The following PTPRN2 variants were observed in gnomAD, a reference collection of about 807,000 sequenced individuals.
PTPRN2 encodes protein tyrosine phosphatase receptor type N2, also known as receptor-type tyrosine-protein phosphatase N2.
Under a neutral mutation model 118.8 loss-of-function variants are expected in PTPRN2, and 74 were observed. The ratio of observed to expected loss-of-function variants is 0.62; its 90% CI spans 0.52 to 0.76. The LOEUF (loss-of-function observed/expected upper bound fraction) is 0.76. Ranked by LOEUF, PTPRN2 falls within the 30% of genes least tolerant of loss-of-function variation. PTPRN2 has a pLI of 0.00. For synonymous variants in PTPRN2, 641 were observed against 608.0 expected, an observed-to-expected ratio of 1.05 and a Z score of -0.80; for missense variants, 1,481 against 1,394.4, an observed-to-expected ratio of 1.06 and a Z score of -0.99.
chr7:158,222,491 C>G (rs550828946), intron 3 of PTPRN2, among the ~76,000 whole-genome samples: 1 of 152,166 alleles, frequency 6.6e-6, no homozygotes, highest in Non-Finnish European at 1.5e-5. Context: ...CCAAATACTG[C>G]GTGTTCTCAC....
At chr7:157,989,306 C>G (rs1347435402) in intron 11 of PTPRN2, among the ~76,000 whole-genome samples, 1 of 152,188 alleles carries the variant, frequency 6.6e-6, no homozygotes, top group Non-Finnish European at 1.5e-5. Flanking sequence ...GCAGTCCCAG[C>G]TACTCGAGAG....
chr7:158,434,075 T>C (rs1400618372), intron 2 of PTPRN2, among the ~76,000 whole-genome samples: 2 of 152,196 alleles, frequency 1.3e-5, no homozygotes, highest in African/African-American at 4.8e-5. Flanking sequence ...TTTAGCAATA[T>C]GTTAAGATTT....
rs1410438144 is a variant in PTPRN2 at position 157,622,710 on chromosome 7, G to T, written c.2197-1201C>A. Among the ~76,000 whole-genome samples, 2 of 152,222 alleles carry T rather than the reference G, an allele frequency of 1.3e-5. No homozygotes were observed. Among genetic ancestry groups the T allele is most frequent in the Non-Finnish European group, 2.9e-5 (2 of 68,038 alleles). On this transcript the variant is annotated intron_variant, in intron 14 of 22. Coordinates refer to ENST00000389418, the MANE Select transcript of PTPRN2 (RefSeq NM_002847.5). The surrounding 1 kb of genome is among the most constrained non-coding windows in gnomAD (Gnocchi z 5.3). ...GCGCGACACCCCCGCATCTGGGTGG[G>T]TGTGGTGGTGAGGGACAATCGCCTG...
At chr7:158,467,798 G>C (rs1417005607) in intron 2 of PTPRN2, among the ~76,000 whole-genome samples, 1 of 152,092 alleles carries the variant, frequency 6.6e-6, no homozygotes, top group Non-Finnish European at 1.5e-5. Context: ...TTTACATGGC[G>C]TGTGTTTAAG....
chr7:157,655,794 C>G (rs558221828), intron 14 of PTPRN2, among the ~76,000 whole-genome samples: 1 of 152,270 alleles, frequency 6.6e-6, no homozygotes, highest in East Asian at 2.0e-4. Flanking sequence ...TGGCAATGCA[C>G]GGCCACACAC....
chr7:158,102,919 G>A (rs1184058917), intron 10 of PTPRN2, among the ~76,000 whole-genome samples: 1 of 152,196 alleles, frequency 6.6e-6, no homozygotes, highest in Non-Finnish European at 1.5e-5. Context: ...CCCCAGGACA[G>A]TACCTCATGC....
At position 157,794,206 on chromosome 7, in the gene PTPRN2, G is replaced by A. The variant is rs1804713841; in HGVS notation, c.1788+104467C>T. Among the ~76,000 whole-genome samples the A allele has an allele frequency of 1.6e-5, 2 of 127,222 alleles. No individual in the cohort carries two copies. The highest frequency in any genetic ancestry group is 8.0e-5 in the Admixed American group (1 of 12,492). The allele number at this position is 127,222 out of a possible 152,430, so 83.5% of individuals were successfully genotyped here. On this transcript the variant is annotated intron_variant, in intron 12 of 22. Coordinates refer to ENST00000389418, the MANE Select transcript of PTPRN2 (RefSeq NM_002847.5). This position sits in a 1 kb window ranked among gnomAD's most constrained non-coding sequence, Gnocchi z 5.2. ...TGCCCTGACCCGGGATCACACCTCC[G>A]ACCCGGGCTCACACCTCCCCTCGTT... is the stretch of plus-strand genomic sequence containing the variant.
intron 6 of PTPRN2, among the ~76,000 whole-genome samples, chr7:158,153,253 C>T (rs970146659): frequency 1.3e-5 from 2 of 152,220 alleles, no homozygotes; most frequent in Admixed American, 6.5e-5. Flanking sequence ...TCAAAACAAC[C>T]TTGCACTTAC....
chr7:158,462,042 C>T (rs1055224501), intron 2 of PTPRN2, among the ~76,000 whole-genome samples: 14 of 151,692 alleles, frequency 9.2e-5, no homozygotes, highest in African/African-American at 3.4e-4. Flanking sequence ...CGTACTTCTC[C>T]TTCCATGCTT....
At chr7:157,705,229 C>G (rs2150873391) in intron 12 of PTPRN2, among the ~76,000 whole-genome samples, 1 of 152,316 alleles carries the variant, frequency 6.6e-6, no homozygotes, top group East Asian at 1.9e-4. Flanking sequence ...TTGCTTGAAC[C>G]CAGGAGGTGG....
chr7:158,110,461 G>C (rs1454529789), intron 10 of PTPRN2, among the ~76,000 whole-genome samples: 1 of 152,194 alleles, frequency 6.6e-6, no homozygotes, highest in Non-Finnish European at 1.5e-5. Context: ...CAGGGACAGG[G>C]CCGTGTCCAC....
intron 19 of PTPRN2, 30 bp from the exon 20 acceptor site, chr7:157,571,523 G>A (rs376719122): frequency 1.3e-4 from 205 of 1,542,710 alleles, no homozygotes; most frequent in Middle Eastern, 1.2e-3. Flanking sequence ...AAAAATTATC[G>A]TTGTGTACTA....
Position 157,935,720 on chromosome 7 carries a change from T to G in PTPRN2, c.1724-36983A>C, listed in dbSNP as rs554085262. 3.7e-4 allele frequency among the ~76,000 whole-genome samples: 56 copies of G among 152,330 alleles called. 1 individual carries two copies. In the South Asian group the frequency reaches 0.011, roughly 30 times the overall value. Reference sequence around the variant, plus strand: ...TGGCGGGTACATCACAGGAACCTGGTGACAGTCCACTCCTTGCTTTTAAAA... The same window carrying G: ...TGGCGGGTACATCACAGGAACCTGGGGACAGTCCACTCCTTGCTTTTAAAA... On this transcript the variant is annotated intron_variant, in intron 11 of 22. Coordinates refer to ENST00000389418, the MANE Select transcript of PTPRN2 (RefSeq NM_002847.5).
Position 157,609,553 on chromosome 7 carries a change from T to C in PTPRN2, c.2345-5478A>G, listed in dbSNP as rs959362572. On this transcript the variant is annotated intron_variant, in intron 15 of 22. Transcript: ENST00000389418. The surrounding 1 kb of genome is among the most constrained non-coding windows in gnomAD (Gnocchi z 4.9). ...TTTAGGCTGAAGAAACTAAGACTCATAAGGATGGAACGATTCACGTGGCCA... is the reference window on the plus strand; with the variant it reads ...TTTAGGCTGAAGAAACTAAGACTCACAAGGATGGAACGATTCACGTGGCCA... Among the ~76,000 whole-genome samples the C allele has an allele frequency of 6.6e-6, 1 of 152,142 alleles. No homozygotes were observed. Among genetic ancestry groups the C allele is most frequent in the African/African-American group, 2.4e-5 (1 of 41,436 alleles).
At chr7:158,409,517 C>A (rs1813861546) in intron 2 of PTPRN2, among the ~76,000 whole-genome samples, 1 of 152,098 alleles carries the variant, frequency 6.6e-6, no homozygotes, top group South Asian at 2.1e-4. Context: ...CCCAGGGCTG[C>A]CTTCTGAAGC....
chr7:158,146,844 C>T lies in PTPRN2; in HGVS notation c.911-8329G>A, dbSNP rs189964403. On this transcript the variant is annotated intron_variant, in intron 6 of 22. Coordinates refer to ENST00000389418, the MANE Select transcript of PTPRN2 (RefSeq NM_002847.5). ...TAAAATGTTTTGGAGGCCAGAGAGA[C>T]TTGACCAATGGATAGAACAAGCAAA... 8.5e-4 allele frequency among the ~76,000 whole-genome samples: 129 copies of T among 152,104 alleles called. 8 individuals carry two copies. Among genetic ancestry groups the T allele is most frequent in the African/African-American group, 2.9e-3 (121 of 41,442 alleles).
chr7:157,631,446 C>T (rs1803935369), intron 14 of PTPRN2, among the ~76,000 whole-genome samples: 2 of 152,220 alleles, frequency 1.3e-5, no homozygotes, highest in Admixed American at 1.3e-4. Context: ...AATTAAGAAT[C>T]CCAGCACTTT....
At chr7:157,976,747 C>A (rs1470291927) in intron 11 of PTPRN2, among the ~76,000 whole-genome samples, 1 of 151,928 alleles carries the variant, frequency 6.6e-6, no homozygotes, top group Non-Finnish European at 1.5e-5. Flanking sequence ...GTACACTCTT[C>A]AAACTGTAAT....
chr7:158,267,756 A>G (rs76360100), intron 3 of PTPRN2, among the ~76,000 whole-genome samples: 7,723 of 152,236 alleles, frequency 0.051, 218 homozygotes, highest in East Asian at 0.11. Context: ...TGCTGTGTAC[A>G]AACCAAGGGC....
Sources: allele counts gnomAD v4.1 joint callset (sites outside exome capture counted in the v4.1 genomes callset), GRCh38; gene constraint gnomAD v4.1.1; non-coding constraint Gnocchi (gnomAD v3.1); transcripts MANE v1.5; gene names NCBI Gene and HGNC (gene_info 2026-07-23, HGNC 2026-07-21).